Variants in EML6 observed in about 807,000 individuals in gnomAD.
EML6 encodes the protein EMAP like 6, also known as echinoderm microtubule-associated protein-like 6.
In EML6, 154 loss-of-function variants were observed where a neutral mutation model predicts 240.1. The observed-to-expected ratio is 0.64, with a 90% confidence interval of 0.56 to 0.73. The LOEUF (loss-of-function observed/expected upper bound fraction) is 0.73, where lower values mean the gene tolerates loss of function less well. EML6 is among the 30% of genes least tolerant of loss of function. The pLI is 0.00. For synonymous variants in EML6, 1,148 were observed against 899.0 expected (o/e 1.28, Z -4.95); for missense variants, 2,964 against 2,474.6 (o/e 1.20, Z -4.20).
At chr2:54,944,600 C>G (rs1436191265) in intron 28 of EML6, among the ~76,000 whole-genome samples, 1 of 152,094 alleles carries the variant, frequency 6.6e-6, no homozygotes, top group African/African-American at 2.4e-5. Context: ...TTGTATTCAC[C>G]TAAAATAGCC....
At chr2:54,789,731 T>C (rs1036583249) in intron 2 of EML6, among the ~76,000 whole-genome samples, 1 of 152,114 alleles carries the variant, frequency 6.6e-6, no homozygotes, top group South Asian at 2.1e-4. Context: ...GGAGTTAATA[T>C]TCTCATCTTG....
chr2:54,948,257 G>A (rs1326428335), intron 28 of EML6, among the ~76,000 whole-genome samples: 2 of 152,164 alleles, frequency 1.3e-5, no homozygotes, highest in African/African-American at 2.4e-5. Context: ...CTTTGGTGTG[G>A]TAGCAGCTGA....
At chr2:54,849,305 C>T (rs779996756) in intron 9 of EML6, among the ~76,000 whole-genome samples, 4 of 152,146 alleles carry the variant, frequency 2.6e-5, no homozygotes, top group Non-Finnish European at 5.9e-5. Context: ...TTGGAAATAT[C>T]TGATAGATTA....
intron 17 of EML6, chr2:54,881,677 CAG>C (rs1413982998): frequency 3.4e-5 from 5 of 145,786 alleles, no homozygotes; most frequent in African/African-American, 5.2e-5. Context: ...AAAATTTAAA[CAG>C]GGGCATGATA....
chr2:54,776,204 A>G (rs1051783766), intron 2 of EML6, among the ~76,000 whole-genome samples: 22 of 152,006 alleles, frequency 1.4e-4, no homozygotes, highest in Non-Finnish European at 1.5e-5. Context: ...GACTCTAGTG[A>G]TAAGTGGAAA....
Position 54,923,984 on chromosome 2 carries a change from G to T in EML6, c.3676-4329G>T, listed in dbSNP as rs554432026. ...GTTCATTCATTTTCATAGCTGAGTA[G>T]AATTCCATTGTGTGGATATAACAGG... On this transcript the variant is annotated intron_variant, in intron 26 of 41. Coordinates refer to ENST00000356458, the MANE Select transcript of EML6 (RefSeq NM_001039753.4). Among the ~76,000 whole-genome samples, 8 of 152,304 alleles carry T rather than the reference G, an allele frequency of 5.3e-5. No individual in the cohort carries two copies. In the South Asian group the frequency reaches 1.5e-3, roughly 28 times the overall value.
At chr2:54,924,876 T>TC (rs1167962298) in intron 26 of EML6, among the ~76,000 whole-genome samples, 1 of 152,178 alleles carries the variant, frequency 6.6e-6, no homozygotes, top group African/African-American at 2.4e-5. Flanking sequence ...TCTTTTTTTT[T>TC]CAACCTGATT....
chr2:54,854,330 C>T (rs2103781740), intron 11 of EML6, among the ~76,000 whole-genome samples: 1 of 152,150 alleles, frequency 6.6e-6, no homozygotes, highest in East Asian at 1.9e-4. Context: ...ACTAGATTTA[C>T]ATAACTGGTG....
At chr2:54,881,385 T>G (rs1020987319) in intron 17 of EML6, 6 of 152,176 alleles carry the variant, frequency 3.9e-5, no homozygotes, top group African/African-American at 1.4e-4. Flanking sequence ...CCGGGCATGG[T>G]GGCTCACGTC....
intron 16 of EML6, among the ~76,000 whole-genome samples, chr2:54,877,611 C>T (rs1042283243): frequency 6.6e-6 from 1 of 152,168 alleles, no homozygotes; most frequent in Non-Finnish European, 1.5e-5. Flanking sequence ...ATTACCAATT[C>T]CTTCTCCTAA....
intron 10 of EML6, 131 bp downstream of exon 10, chr2:54,850,349 C>G: frequency 1.3e-6 from 1 of 744,068 alleles, no homozygotes; most frequent in East Asian, 2.7e-5. Flanking sequence ...CGGAAAGCAC[C>G]CCCACCTCAG....
At chr2:54,963,955 G>C (rs1362380276) in intron 36 of EML6, 31 bp from the exon 37 acceptor site, 5 of 1,534,124 alleles carry the variant, frequency 3.3e-6, no homozygotes, top group Non-Finnish European at 3.5e-6. Flanking sequence ...GGGGCCAAGA[G>C]CTCAGGTGAC....
chr2:54,894,224 G>T (rs920271444), intron 19 of EML6, among the ~76,000 whole-genome samples: 1 of 149,734 alleles, frequency 6.7e-6, no homozygotes, highest in African/African-American at 2.4e-5. Flanking sequence ...AAACCTCTAA[G>T]AACAGTTGGT....
At chr2:54,885,379 G>A (rs1227486487) in intron 17 of EML6, among the ~76,000 whole-genome samples, 4 of 151,702 alleles carry the variant, frequency 2.6e-5, no homozygotes, top group Admixed American at 2.0e-4. Flanking sequence ...CCCGGGAGGC[G>A]GAGGTTGTAG....
intron 28 of EML6, among the ~76,000 whole-genome samples, chr2:54,935,471 A>G (rs1675087347): frequency 1.3e-5 from 2 of 152,252 alleles, no homozygotes; most frequent in Non-Finnish European, 2.9e-5. Context: ...TTATATCTGC[A>G]TAACTTTTTA....
chr2:54,901,744 G>C (rs1356760627), intron 22 of EML6, among the ~76,000 whole-genome samples: 1 of 152,198 alleles, frequency 6.6e-6, no homozygotes, highest in Non-Finnish European at 1.5e-5. Context: ...CATGAACAGA[G>C]GAGTTGGTAA....
intron 2 of EML6, among the ~76,000 whole-genome samples, chr2:54,752,356 G>C (rs928559503): frequency 6.6e-6 from 1 of 152,080 alleles, no homozygotes; most frequent in African/African-American, 2.4e-5. Context: ...ATGTGTTTAT[G>C]ATGAAATTTA....
At chr2:54,950,923 T>A in intron 30 of EML6, 144 bp downstream of exon 30, 2 of 894,606 alleles carry the variant, frequency 2.2e-6, no homozygotes, top group Non-Finnish European at 1.7e-6. Flanking sequence ...CAGTTAGGCC[T>A]GGTAACGCTC....
At chr2:54,853,909 A>G (rs749746178) in intron 11 of EML6, 54 bp downstream of exon 11, 472 of 1,143,596 alleles carry the variant, frequency 4.1e-4, no homozygotes, top group Admixed American at 8.4e-4. Context: ...AACTGTATAC[A>G]GTACAATTAA....
Sources: gnomAD v4.1 joint callset for allele counts (sites outside exome capture counted in the v4.1 genomes callset) on GRCh38, gnomAD v4.1.1 for gene constraint, MANE v1.5 for transcripts, NCBI Gene and HGNC (gene_info 2026-07-23, HGNC 2026-07-21) for gene names.